The following ZMIZ1 variants were observed in gnomAD, a reference collection of about 807,000 sequenced individuals.
The protein encoded by ZMIZ1 is zinc finger MIZ-type containing 1, also known as zinc finger MIZ domain-containing protein 1.
In ZMIZ1, 17 loss-of-function variants were observed where a neutral mutation model predicts 113.9. The ratio of observed to expected loss-of-function variants is 0.15; its 90% CI spans 0.10 to 0.22. The LOEUF (loss-of-function observed/expected upper bound fraction) is 0.22. ZMIZ1 is among the 10% of genes least tolerant of loss of function. The pLI is 1.00. For synonymous variants in ZMIZ1, 607 were observed against 603.1 expected (o/e 1.01, Z -0.09); for missense variants, 1,059 against 1,477.8 (o/e 0.72, Z 4.65).
At chr10:79,144,228 A>G (rs992875098) in intron 3 of ZMIZ1, among the ~76,000 whole-genome samples, 1 of 152,176 alleles carries the variant, frequency 6.6e-6, no homozygotes, top group African/African-American at 2.4e-5. Flanking sequence ...ACTTACCTCC[A>G]TTGAACTGAT....
At chr10:79,185,976 G>A (rs1045848791) in intron 4 of ZMIZ1, among the ~76,000 whole-genome samples, 6 of 152,078 alleles carry the variant, frequency 3.9e-5, no homozygotes, top group South Asian at 2.1e-4. Flanking sequence ...AGCCAGGCCC[G>A]ATGACCCCAA....
At chr10:79,129,454 G>T (rs74385409) in intron 2 of ZMIZ1, among the ~76,000 whole-genome samples, 27,597 of 152,158 alleles carry the variant, frequency 0.18, 3,012 homozygotes, top group East Asian at 0.41. Flanking sequence ...GGGCTTGCTG[G>T]TGCAGTCGCT....
chr10:79,288,120 G>A (rs2132017421), intron 8 of ZMIZ1, among the ~76,000 whole-genome samples: 1 of 152,350 alleles, frequency 6.6e-6, no homozygotes, highest in South Asian at 2.1e-4. Flanking sequence ...GCAGACAGTG[G>A]TGTGGTCCTG....
At chr10:79,292,648 A>T in intron 11 of ZMIZ1, 2 of 510,464 alleles carry the variant, frequency 3.9e-6, no homozygotes, top group Non-Finnish European at 7.4e-6. Flanking sequence ...AAAAGGTTCT[A>T]CATGGCTCTC....
At chr10:79,101,733 G>T (rs1181735326) in intron 1 of ZMIZ1, among the ~76,000 whole-genome samples, 1 of 152,184 alleles carries the variant, frequency 6.6e-6, no homozygotes. Context: ...GGCCGTCCTG[G>T]CAGGTGCGTT....
chr10:79,168,593 A>T (rs758351062), intron 4 of ZMIZ1, among the ~76,000 whole-genome samples: 1 of 152,220 alleles, frequency 6.6e-6, no homozygotes, highest in African/African-American at 2.4e-5. Flanking sequence ...CAACAAGGTG[A>T]TGTCTAGCAT....
intron 7 of ZMIZ1, among the ~76,000 whole-genome samples, chr10:79,238,112 T>G (rs1272782172): frequency 1.3e-5 from 2 of 152,148 alleles, no homozygotes; most frequent in African/African-American, 2.4e-5. Flanking sequence ...CTGAGCAGGC[T>G]CCTCTGAATG....
chr10:79,104,045 A>T (rs1843466596), intron 1 of ZMIZ1, among the ~76,000 whole-genome samples: 1 of 152,186 alleles, frequency 6.6e-6, no homozygotes, highest in African/African-American at 2.4e-5. Context: ...CTGGACTGGG[A>T]TGGGAAGGAC....
chr10:79,084,287 T>A (rs1355274586), intron 1 of ZMIZ1, among the ~76,000 whole-genome samples: 2 of 152,240 alleles, frequency 1.3e-5, no homozygotes, highest in Admixed American at 6.5e-5. Context: ...TTGCAAGGGA[T>A]CAACTGCGTG....
intron 1 of ZMIZ1, among the ~76,000 whole-genome samples, chr10:79,117,225 A>G (rs959717090): frequency 3.3e-5 from 5 of 152,254 alleles, no homozygotes; most frequent in Admixed American, 6.5e-5. Context: ...ACCGAATCCT[A>G]TTGATCTAAA....
chr10:79,296,256 C>T lies in ZMIZ1; in HGVS notation c.1231-215C>T. 1 of 598,386 alleles carries T rather than the reference C, an allele frequency of 1.7e-6. No individual in the cohort carries two copies. Among genetic ancestry groups the T allele is most frequent in the South Asian group, 2.0e-5 (1 of 50,766 alleles). The allele number at this position is 598,386 out of a possible 1,614,324, so 37.1% of individuals were successfully genotyped here. The stretch of plus-strand genomic sequence containing the variant: ...GGCACATGTGCTCCAGGAAGAACGG[C>T]CTCAAGGGGAGGTGGCCTATGATCT... On this transcript the variant is annotated intron_variant, in intron 12 of 24. Transcript: ENST00000334512. This position sits in a 1 kb window ranked among gnomAD's most constrained non-coding sequence, Gnocchi z 4.1.
intron 1 of ZMIZ1, among the ~76,000 whole-genome samples, chr10:79,073,584 A>G (rs780559580): frequency 8.0e-4 from 121 of 152,104 alleles, no homozygotes; most frequent in Non-Finnish European, 2.6e-4. Context: ...TCCAGACCAT[A>G]GACTCGTTCT....
intron 7 of ZMIZ1, among the ~76,000 whole-genome samples, chr10:79,263,427 AGTCACCCAGCAAAGCGCAGC>A (rs1181296804): frequency 6.6e-6 from 1 of 152,172 alleles, no homozygotes; most frequent in Non-Finnish European, 1.5e-5. Context: ...TGGTCAGCAG[AGTCACCCAGCAAAGCGCAGC>A]CCATCTCAGT....
At chr10:79,144,412 G>T (rs572238773) in intron 3 of ZMIZ1, among the ~76,000 whole-genome samples, 1 of 152,296 alleles carries the variant, frequency 6.6e-6, no homozygotes, top group African/African-American at 2.4e-5. Flanking sequence ...CATTTTGCAG[G>T]TGAGGAAACC....
At position 79,296,395 on chromosome 10, in the gene ZMIZ1, C is replaced by A; in HGVS notation, c.1231-76C>A. 1 of 1,523,068 alleles carries A rather than the reference C, an allele frequency of 6.6e-7. No individual in the cohort carries two copies. The highest frequency in any genetic ancestry group is 9.0e-7 in the Non-Finnish European group (1 of 1,105,826). The allele number at this position is 1,523,068 out of a possible 1,614,324, so 94.3% of individuals were successfully genotyped here. A position where few individuals can be genotyped will look rare whatever the true frequency, so the allele number is the denominator to read the frequency against. ...AAATGAGGAGAGGCGGGCCCCATCC[C>A]GTTGTTCAGGTGACCTGGCTATGTG... On this transcript the variant is annotated intron_variant, in intron 12 of 24. Coordinates refer to ENST00000334512, the MANE Select transcript of ZMIZ1 (RefSeq NM_020338.4). The surrounding 1 kb of genome is among the most constrained non-coding windows in gnomAD (Gnocchi z 4.1).
intron 15 of ZMIZ1, 110 bp from the exon 16 acceptor site, chr10:79,298,940 C>A: frequency 7.1e-7 from 1 of 1,411,684 alleles, no homozygotes; most frequent in South Asian, 1.4e-5. Flanking sequence ...TGTTTACACA[C>A]CCCTGCCTTC....
intron 6 of ZMIZ1, among the ~76,000 whole-genome samples, chr10:79,211,240 C>A (rs1371459125): frequency 6.6e-6 from 1 of 152,138 alleles, no homozygotes. Flanking sequence ...ACAAACAAGG[C>A]CACTGGGAGC....
chr10:79,190,303 TG>T (rs1180791017), intron 4 of ZMIZ1, among the ~76,000 whole-genome samples: 11 of 152,172 alleles, frequency 7.2e-5, no homozygotes, highest in Non-Finnish European at 1.3e-4. Flanking sequence ...TGGATGTGGT[TG>T]GGGCAGTTGG....
rs1388949230 is a variant in ZMIZ1 at position 79,312,802 on chromosome 10, C to A, written c.*53C>A. ...ACACTCTGCATCCTACCCCACCTACCCAACACACTTTTCCACCTGGGAGCC... is the reference window on the plus strand; with the variant it reads ...ACACTCTGCATCCTACCCCACCTACACAACACACTTTTCCACCTGGGAGCC... On this transcript the variant is annotated 3_prime_UTR_variant, in exon 25 of 25. Transcript: ENST00000334512. 5 of 1,559,348 alleles carry A rather than the reference C, an allele frequency of 3.2e-6. No individual in the cohort carries two copies. The highest frequency in any genetic ancestry group is 4.4e-6 in the Non-Finnish European group (5 of 1,131,500).
Sources: gnomAD v4.1 joint callset for allele counts (sites outside exome capture counted in the v4.1 genomes callset) on GRCh38, gnomAD v4.1.1 for gene constraint, Gnocchi (gnomAD v3.1) non-coding constraint, MANE v1.5 for transcripts, NCBI Gene and HGNC (gene_info 2026-07-23, HGNC 2026-07-21) for gene names.